GRIK4: variants seen among roughly 807,000 people sequenced by gnomAD.
The protein encoded by GRIK4 is glutamate ionotropic receptor kainate type subunit 4.
Under a neutral mutation model 104.9 loss-of-function variants are expected in GRIK4, and 40 were observed. The observed-to-expected ratio is 0.38, with a 90% CI of 0.30 to 0.50. The LOEUF is 0.50. Among genes scored for constraint, GRIK4 ranks in the 20% least tolerant of loss-of-function variants. GRIK4 has a pLI of 0.93. For missense variants in GRIK4, 1,047 were observed against 1,308.1 expected (o/e 0.80, Z 3.08); for synonymous variants, 485 against 524.9 (o/e 0.92, Z 1.04).
chr11:120,765,589 C>T (rs1951822612), intron 3 of GRIK4, among the ~76,000 whole-genome samples: 1 of 152,120 alleles, frequency 6.6e-6, no homozygotes, highest in Admixed American at 6.5e-5. Flanking sequence ...TCCTCATCTT[C>T]GTGGATTTAT....
chr11:120,692,567 C>G (rs942271124), intron 3 of GRIK4, among the ~76,000 whole-genome samples: 1 of 152,064 alleles, frequency 6.6e-6, no homozygotes, highest in Non-Finnish European at 1.5e-5. Flanking sequence ...TTGAGAGACA[C>G]GTCCCTGGAG....
chr11:120,986,435 C>G lies in GRIK4; in HGVS notation c.*175C>G. 1 of 896,434 alleles carries G rather than the reference C, an allele frequency of 1.1e-6. No individual in the cohort carries two copies. The highest frequency in any genetic ancestry group is 3.3e-5 in the East Asian group (1 of 30,322). The allele number at this position is 896,434 out of a possible 1,614,324, so 55.5% of individuals were successfully genotyped here. ...CTGACGCCCCAGCCAGAGACCGCGC[C>G]CGGTCAGGGAGCAGGGTCCACCCGG... On this transcript the variant is annotated 3_prime_UTR_variant, in exon 21 of 21. Transcript: ENST00000527524.
In GRIK4 at chr11:120,642,635, CCT is replaced by C. The variant is rs528616484; in HGVS notation, c.-158-11046_-158-11045del. 3.3e-5 allele frequency among the ~76,000 whole-genome samples: 5 copies of C among 152,266 alleles called. No individual in the cohort carries two copies. In the South Asian group the frequency reaches 1.0e-3, roughly 32 times the overall value. On this transcript the variant is annotated intron_variant, in intron 1 of 20. Coordinates refer to ENST00000527524, the MANE Select transcript of GRIK4 (RefSeq NM_014619.5). The stretch of plus-strand genomic sequence containing the variant: ...CCAGGCTGTGAGGCCCCATCTTCTC[CCT>C]CTCCTTGGCACTCCTGTCCCTTCAG...
intron 3 of GRIK4, among the ~76,000 whole-genome samples, chr11:120,733,736 CTTTT>C (rs1162073446): frequency 6.9e-6 from 1 of 144,982 alleles, no homozygotes; most frequent in Non-Finnish European, 1.5e-5. Context: ...GTCTTTCTCC[CTTTT>C]TTTTTTTTTT....
intron 8 of GRIK4, among the ~76,000 whole-genome samples, chr11:120,849,168 C>G (rs2135595929): frequency 6.6e-6 from 1 of 152,242 alleles, no homozygotes; most frequent in South Asian, 2.1e-4. Context: ...CGCGCGCACA[C>G]ACACACACAC....
intron 1 of GRIK4, among the ~76,000 whole-genome samples, chr11:120,512,436 G>A (rs888491447): frequency 1.4e-5 from 2 of 146,644 alleles, no homozygotes; most frequent in Admixed American, 6.8e-5. Flanking sequence ...CATCTGCCTC[G>A]ACTGCCCCCT....
chr11:120,909,839 A>G (rs944250255), intron 13 of GRIK4, among the ~76,000 whole-genome samples: 1 of 152,122 alleles, frequency 6.6e-6, no homozygotes, highest in Non-Finnish European at 1.5e-5. Flanking sequence ...GTCTTTTCAC[A>G]TTTGTTATCA....
chr11:120,687,354 T>C (rs1274301398), intron 3 of GRIK4, among the ~76,000 whole-genome samples: 1 of 152,248 alleles, frequency 6.6e-6, no homozygotes, highest in East Asian at 1.9e-4. Context: ...TGTTTCTTAA[T>C]CACTTGTAGA....
At chr11:120,692,523 C>T (rs1176796336) in intron 3 of GRIK4, among the ~76,000 whole-genome samples, 1 of 152,070 alleles carries the variant, frequency 6.6e-6, no homozygotes, top group Non-Finnish European at 1.5e-5. Flanking sequence ...CACCAAACAT[C>T]CCAGAACAGG....
intron 1 of GRIK4, among the ~76,000 whole-genome samples, chr11:120,629,622 A>G (rs1419866276): frequency 1.3e-5 from 2 of 152,048 alleles, no homozygotes; most frequent in African/African-American, 4.8e-5. Flanking sequence ...AAGCAGAGGA[A>G]GCTAGAGCGC....
At chr11:120,538,356 C>T (rs755161089) in intron 1 of GRIK4, among the ~76,000 whole-genome samples, 2 of 152,110 alleles carry the variant, frequency 1.3e-5, no homozygotes, top group African/African-American at 4.8e-5. Flanking sequence ...CAAAAATGTC[C>T]AGGCGACCCC....
chr11:120,578,760 C>T (rs1449674458), intron 1 of GRIK4, among the ~76,000 whole-genome samples: 2 of 152,222 alleles, frequency 1.3e-5, no homozygotes, highest in African/African-American at 2.4e-5. Flanking sequence ...CCCCTCCCGG[C>T]GAACGCCCCG....
Position 120,902,281 on chromosome 11 carries a change from C to T in GRIK4, c.1273-3009C>T, listed in dbSNP as rs1592060919. On this transcript the variant is annotated intron_variant, in intron 12 of 20. Transcript: ENST00000527524. The surrounding 1 kb of genome is among the most constrained non-coding windows in gnomAD (Gnocchi z 4.5). ...TCAGCGGTTTGCCACATTCTCACCT[C>T]GCGTTCACAGCACCCCTGCTCCAGG... Among the ~76,000 whole-genome samples, 1 of 152,150 alleles carries T rather than the reference C, an allele frequency of 6.6e-6. No homozygotes were observed. Among genetic ancestry groups the T allele is most frequent in the African/African-American group, 2.4e-5 (1 of 41,420 alleles).
chr11:120,671,729 A>G lies in GRIK4; in HGVS notation c.82+11329A>G, dbSNP rs1237864201. ...TTGCTGTGCAGAAGCTCTTTAGTTTAATTAGATCCCATTTGTCAATTTTGG... is the reference window on the plus strand; with the variant it reads ...TTGCTGTGCAGAAGCTCTTTAGTTTGATTAGATCCCATTTGTCAATTTTGG... On this transcript the variant is annotated intron_variant, in intron 3 of 20. Coordinates refer to ENST00000527524, the MANE Select transcript of GRIK4 (RefSeq NM_014619.5). Among the ~76,000 whole-genome samples the G allele has an allele frequency of 2.0e-5, 3 of 152,106 alleles. No individual in the cohort carries two copies. The East Asian group carries it at 5.8e-4, about 29-fold the overall frequency.
intron 3 of GRIK4, among the ~76,000 whole-genome samples, chr11:120,687,412 T>C (rs1950292580): frequency 6.6e-6 from 1 of 152,254 alleles, no homozygotes; most frequent in Non-Finnish European, 1.5e-5. Context: ...GGTAAGATTC[T>C]TTATTTTCAT....
chr11:120,768,486 G>A (rs377492975), intron 3 of GRIK4, among the ~76,000 whole-genome samples: 6 of 152,028 alleles, frequency 3.9e-5, no homozygotes, highest in South Asian at 2.1e-4. Flanking sequence ...GGATCATGTC[G>A]TCTGTAAGTA....
chr11:120,882,808 T>C (rs112861997), intron 11 of GRIK4, among the ~76,000 whole-genome samples: 2 of 152,258 alleles, frequency 1.3e-5, no homozygotes, highest in South Asian at 4.1e-4. Context: ...TGCTGGGTGC[T>C]GCATACCTTT....
intron 4 of GRIK4, 97 bp downstream of exon 4, chr11:120,802,954 A>C: frequency 9.6e-7 from 1 of 1,042,660 alleles, no homozygotes; most frequent in Non-Finnish European, 1.4e-6. Flanking sequence ...CCTCTGAGAT[A>C]TCTGATGTCG....
At chr11:120,542,593 C>T (rs1156491840) in intron 1 of GRIK4, among the ~76,000 whole-genome samples, 1 of 152,178 alleles carries the variant, frequency 6.6e-6, no homozygotes, top group Non-Finnish European at 1.5e-5. Flanking sequence ...ATAAGGAACT[C>T]CTACAACTTC....
Sources: gnomAD v4.1 joint callset for allele counts (sites outside exome capture counted in the v4.1 genomes callset) on GRCh38, gnomAD v4.1.1 for gene constraint, Gnocchi (gnomAD v3.1) non-coding constraint, MANE v1.5 for transcripts, NCBI Gene and HGNC (gene_info 2026-07-23, HGNC 2026-07-21) for gene names.